Variants in DENND1A observed in about 807,000 individuals in gnomAD.
DENND1A encodes DENN domain containing 1A.
A neutral mutation model predicts 113.7 loss-of-function variants in DENND1A; 51 were observed. The observed-to-expected ratio is 0.45, with a 90% CI of 0.36 to 0.57. DENND1A has a LOEUF of 0.57. DENND1A is among the 20% of genes least tolerant of loss of function. The probability of loss-of-function intolerance (pLI) is 0.00; values close to 1 mark genes in which losing one functional copy is unlikely to be tolerated. For missense variants in DENND1A, 1,258 were observed against 1,395.9 expected, an observed-to-expected ratio of 0.90 and a Z score of 1.57; for synonymous variants, 565 against 570.8, an observed-to-expected ratio of 0.99 and a Z score of 0.14.
At chr9:123,634,515 ACT>A (rs1281503824) in intron 9 of DENND1A, among the ~76,000 whole-genome samples, 1 of 152,106 alleles carries the variant, frequency 6.6e-6, no homozygotes, top group African/African-American at 2.4e-5. Context: ...ATAACTCTAA[ACT>A]CTGTTTCTAA....
chr9:123,608,355 G>A (rs971729948), intron 11 of DENND1A, among the ~76,000 whole-genome samples: 3 of 152,114 alleles, frequency 2.0e-5, no homozygotes, highest in African/African-American at 7.2e-5. Flanking sequence ...GAAATGAAGG[G>A]AACAGAAGAA....
chr9:123,622,388 C>T (rs1245911738), intron 10 of DENND1A, among the ~76,000 whole-genome samples: 3 of 152,124 alleles, frequency 2.0e-5, no homozygotes, highest in Non-Finnish European at 2.9e-5. Context: ...ATGGGAAATA[C>T]CATATGGTTT....
chr9:123,387,912 G>T, intron 21 of DENND1A, 54 bp from the exon 22 acceptor site: 1 of 1,274,340 alleles, frequency 7.8e-7, no homozygotes, highest in Non-Finnish European at 1.0e-6. Flanking sequence ...GGCGCCCTCA[G>T]AACTTCACGT....
At chr9:123,794,556 AT>A (rs1316875459) in intron 2 of DENND1A, among the ~76,000 whole-genome samples, 1 of 152,214 alleles carries the variant, frequency 6.6e-6, no homozygotes, top group Non-Finnish European at 1.5e-5. Context: ...TCTTGCAGTA[AT>A]TTGTGCTTCT....
intron 19 of DENND1A, among the ~76,000 whole-genome samples, chr9:123,419,279 C>T (rs1012586512): frequency 1.3e-5 from 2 of 152,178 alleles, no homozygotes; most frequent in African/African-American, 4.8e-5. Context: ...GAAGCTGGCC[C>T]CAAAGGGGGT....
At chr9:123,853,085 A>G (rs1215684244) in intron 2 of DENND1A, among the ~76,000 whole-genome samples, 1 of 151,638 alleles carries the variant, frequency 6.6e-6, no homozygotes, top group Non-Finnish European at 1.5e-5. Flanking sequence ...ACATCCAGCT[A>G]ATTTTATTAT....
At chr9:123,794,338 T>A (rs1346803324) in intron 2 of DENND1A, among the ~76,000 whole-genome samples, 1 of 152,122 alleles carries the variant, frequency 6.6e-6, no homozygotes, top group Non-Finnish European at 1.5e-5. Flanking sequence ...AAAACATACA[T>A]ACAGAACTTA....
At chr9:123,383,403 C>A (rs1188039530) in intron 23 of DENND1A, among the ~76,000 whole-genome samples, 1 of 152,192 alleles carries the variant, frequency 6.6e-6, no homozygotes, top group Non-Finnish European at 1.5e-5. Context: ...ACCCGCCCCC[C>A]CGTCTGATGC....
chr9:123,542,665 G>A (rs977841672), intron 13 of DENND1A, among the ~76,000 whole-genome samples: 2 of 152,024 alleles, frequency 1.3e-5, no homozygotes, highest in African/African-American at 2.4e-5. Context: ...AAAGTGGAAG[G>A]GAAAAGTTTG....
intron 1 of DENND1A, among the ~76,000 whole-genome samples, chr9:123,907,047 G>T (rs1852969854): frequency 6.6e-6 from 1 of 151,248 alleles, no homozygotes; most frequent in Non-Finnish European, 1.5e-5. Flanking sequence ...TGCAAGGCTG[G>T]TTCAATATAC....
chr9:123,440,097 G>C, intron 19 of DENND1A: 1 of 343,276 alleles, frequency 2.9e-6, no homozygotes, highest in Non-Finnish European at 5.3e-6. Flanking sequence ...CTTGGAGTAC[G>C]GGAGGCAGCA....
chr9:123,432,685 T>C (rs985854962), intron 19 of DENND1A, among the ~76,000 whole-genome samples: 5 of 152,224 alleles, frequency 3.3e-5, no homozygotes, highest in Admixed American at 6.5e-5. Flanking sequence ...TACCGCCTCA[T>C]GGACTGTGGG....
At chr9:123,545,818 CACTT>C (rs1240700774) in intron 13 of DENND1A, among the ~76,000 whole-genome samples, 1 of 152,106 alleles carries the variant, frequency 6.6e-6, no homozygotes, top group Non-Finnish European at 1.5e-5. Context: ...CATATGAAGT[CACTT>C]AGCACCATTT....
chr9:123,779,399 C>A (rs1778898), intron 3 of DENND1A, among the ~76,000 whole-genome samples: 18,262 of 152,188 alleles, frequency 0.12, 1,432 homozygotes, highest in African/African-American at 0.22. Flanking sequence ...TTTACCTATA[C>A]CTTAGTTTCA....
At chr9:123,659,121 A>C (rs2063108428) in intron 8 of DENND1A, among the ~76,000 whole-genome samples, 1 of 152,216 alleles carries the variant, frequency 6.6e-6, no homozygotes, top group Non-Finnish European at 1.5e-5. Flanking sequence ...ATGCTCAATA[A>C]ATACCAGCTC....
chr9:123,507,745 A>G (rs1323751322), intron 13 of DENND1A, among the ~76,000 whole-genome samples: 1 of 151,690 alleles, frequency 6.6e-6, no homozygotes, highest in African/African-American at 2.4e-5. Context: ...GCCCTCAGCT[A>G]CTTGGGGGGC....
intron 13 of DENND1A, among the ~76,000 whole-genome samples, chr9:123,503,089 G>C (rs571435981): frequency 6.6e-6 from 1 of 152,234 alleles, no homozygotes; most frequent in South Asian, 2.1e-4. Flanking sequence ...ATTATGTCAG[G>C]TGCTTCACAT....
intron 10 of DENND1A, among the ~76,000 whole-genome samples, chr9:123,618,734 T>G (rs915785717): frequency 6.6e-6 from 1 of 152,162 alleles, no homozygotes; most frequent in African/African-American, 2.4e-5. Context: ...CCTTGTCTTC[T>G]TTAACCCTGA....
chr9:123,458,561 A>T (rs2048310442), intron 13 of DENND1A, among the ~76,000 whole-genome samples: 1 of 152,156 alleles, frequency 6.6e-6, no homozygotes, highest in African/African-American at 2.4e-5. Flanking sequence ...TCCGTACCCC[A>T]AGGGCTATTT....
Sources: allele counts gnomAD v4.1 joint callset (sites outside exome capture counted in the v4.1 genomes callset), GRCh38; gene constraint gnomAD v4.1.1; transcripts MANE v1.5; gene names NCBI Gene and HGNC (gene_info 2026-07-23, HGNC 2026-07-21).